The following MLIP variants were observed in gnomAD, a reference collection of about 807,000 sequenced individuals.
The protein encoded by MLIP is muscular LMNA-interacting protein.
A neutral mutation model predicts 84.8 loss-of-function variants in MLIP; 79 were observed. The ratio of observed to expected loss-of-function variants is 0.93; its 90% CI spans 0.78 to 1.12. The LOEUF is 1.12. Among genes scored for constraint, MLIP ranks in the 50% most tolerant of loss-of-function variants. The pLI, the probability that MLIP is intolerant of heterozygous loss-of-function variation, is 0.00. For missense variants in MLIP, 1,257 were observed against 1,160.6 expected (o/e 1.08, Z -1.21); for synonymous variants, 504 against 463.0 (o/e 1.09, Z -1.14).
At chr6:54,226,761 T>C (rs376577524) in intron 11 of MLIP, among the ~76,000 whole-genome samples, 23 of 152,088 alleles carry the variant, frequency 1.5e-4, no homozygotes, top group African/African-American at 5.5e-4. Context: ...CGGAACAGAA[T>C]ACTAAAAAAA....
chr6:54,164,259 C>T (rs556373475), intron 8 of MLIP, among the ~76,000 whole-genome samples: 1 of 152,034 alleles, frequency 6.6e-6, no homozygotes, highest in East Asian at 1.9e-4. Flanking sequence ...CCACATGGGA[C>T]TCTCACAATA....
At chr6:54,128,021 A>G (rs1771070204) in intron 3 of MLIP, among the ~76,000 whole-genome samples, 1 of 152,170 alleles carries the variant, frequency 6.6e-6, no homozygotes, top group Admixed American at 6.5e-5. Context: ...TGACTGTGGG[A>G]ATAGACAGAG....
chr6:54,262,590 G>GCTCAAGC (rs1275999443), intron 13 of MLIP, among the ~76,000 whole-genome samples: 5 of 152,042 alleles, frequency 3.3e-5, no homozygotes, highest in Non-Finnish European at 7.4e-5. Context: ...TAAAGTTAGA[G>GCTCAAGC]TCTTATCCTC....
intron 2 of MLIP, among the ~76,000 whole-genome samples, chr6:54,123,911 G>A (rs1770680196): frequency 6.6e-6 from 1 of 152,152 alleles, no homozygotes; most frequent in African/African-American, 2.4e-5. Flanking sequence ...AGTGAAAGAT[G>A]CTTTGTACTA....
intron 1 of MLIP, among the ~76,000 whole-genome samples, chr6:54,033,794 T>C (rs1306794981): frequency 6.6e-6 from 1 of 152,166 alleles, no homozygotes; most frequent in Non-Finnish European, 1.5e-5. Context: ...TAGTCAAAGA[T>C]GACATTTACC....
chr6:54,101,152 G>A (rs1768614083), intron 1 of MLIP, among the ~76,000 whole-genome samples: 1 of 152,060 alleles, frequency 6.6e-6, no homozygotes, highest in Non-Finnish European at 1.5e-5. Flanking sequence ...GAGTCACAGG[G>A]TTTGTAAAAA....
chr6:54,181,048 C>T (rs1582416014), intron 9 of MLIP, among the ~76,000 whole-genome samples: 1 of 152,164 alleles, frequency 6.6e-6, no homozygotes, highest in Non-Finnish European at 1.5e-5. Flanking sequence ...GTCTCTCTCT[C>T]TGTACTGAGC....
intron 1 of MLIP, among the ~76,000 whole-genome samples, chr6:54,051,237 G>T (rs1765358769): frequency 6.6e-6 from 1 of 151,716 alleles, no homozygotes; most frequent in Non-Finnish European, 1.5e-5. Flanking sequence ...CCTGCAGCAA[G>T]TATGTTTTAG....
chr6:54,061,571 T>G (rs1177365007), intron 1 of MLIP, among the ~76,000 whole-genome samples: 2 of 152,162 alleles, frequency 1.3e-5, no homozygotes, highest in African/African-American at 4.8e-5. Flanking sequence ...GCTCTGATCT[T>G]TGAAGAATTT....
chr6:54,086,630 G>T (rs1767510426), intron 1 of MLIP, among the ~76,000 whole-genome samples: 1 of 152,086 alleles, frequency 6.6e-6, no homozygotes, highest in African/African-American at 2.4e-5. Context: ...GGCTGACAAG[G>T]CCCTAGCAAT....
At chr6:54,231,043 T>A (rs1780966357) in intron 12 of MLIP, 126 bp downstream of exon 12, 1 of 666,324 alleles carries the variant, frequency 1.5e-6, no homozygotes, top group Non-Finnish European at 2.4e-6. Context: ...TCTAAATGTA[T>A]AAAGAATATT....
chr6:54,255,398 G>T (rs1399935479), intron 12 of MLIP, among the ~76,000 whole-genome samples: 1 of 152,002 alleles, frequency 6.6e-6, no homozygotes, highest in Non-Finnish European at 1.5e-5. Context: ...CCCATATAAA[G>T]AATTTATTAT....
At chr6:54,202,705 C>A (rs1778778748) in intron 11 of MLIP, among the ~76,000 whole-genome samples, 1 of 151,872 alleles carries the variant, frequency 6.6e-6, no homozygotes, top group African/African-American at 2.4e-5. Context: ...CAAGCCTGGG[C>A]AACATGGTAA....
intron 12 of MLIP, among the ~76,000 whole-genome samples, chr6:54,251,095 A>G (rs1782445459): frequency 1.3e-5 from 2 of 152,052 alleles, no homozygotes; most frequent in African/African-American, 4.8e-5. Flanking sequence ...AATATGTGGT[A>G]AATGATCTAA....
intron 3 of MLIP, among the ~76,000 whole-genome samples, chr6:54,128,792 G>T (rs1394016217): frequency 6.6e-6 from 1 of 152,148 alleles, no homozygotes; most frequent in East Asian, 1.9e-4. Flanking sequence ...TGTAAAATGA[G>T]TTGATAATAT....
intron 1 of MLIP, among the ~76,000 whole-genome samples, chr6:54,027,994 A>G (rs1217816076): frequency 6.6e-6 from 1 of 152,186 alleles, no homozygotes; most frequent in African/African-American, 2.4e-5. Context: ...ACAATTATAT[A>G]TCTAGTTGTT....
At chr6:54,202,330 T>A in intron 11 of MLIP, 97 bp downstream of exon 11, 13 of 653,592 alleles carry the variant, frequency 2.0e-5, no homozygotes, top group Non-Finnish European at 2.7e-5. Flanking sequence ...AAATATAAAA[T>A]AAAGATGTCT....
At chr6:54,026,697 G>A (rs950263246) in intron 1 of MLIP, among the ~76,000 whole-genome samples, 1 of 138,414 alleles carries the variant, frequency 7.2e-6, no homozygotes, top group Admixed American at 7.9e-5. Context: ...AAATCTAAAT[G>A]AAGAACCTGT....
At chr6:54,224,454 C>T (rs186676820) in intron 11 of MLIP, among the ~76,000 whole-genome samples, 2 of 151,980 alleles carry the variant, frequency 1.3e-5, no homozygotes, top group Admixed American at 6.6e-5. Context: ...CCTCAAAAAG[C>T]TCCAAGTCAC....
Sources: gnomAD v4.1 joint callset for allele counts (sites outside exome capture counted in the v4.1 genomes callset) on GRCh38, gnomAD v4.1.1 for gene constraint, MANE v1.5 for transcripts, NCBI Gene and HGNC (gene_info 2026-07-23, HGNC 2026-07-21) for gene names.